Variants in INPPL1 observed in about 807,000 individuals in gnomAD.
INPPL1 encodes inositol polyphosphate phosphatase like 1.
A neutral mutation model predicts 139.3 loss-of-function variants in INPPL1; 91 were observed. That is an observed-to-expected ratio of 0.65 (90% CI 0.55 to 0.78). INPPL1 has a LOEUF of 0.78. Ranked by LOEUF, INPPL1 falls within the 30% of genes least tolerant of loss-of-function variation. The pLI is 0.00. For missense variants in INPPL1, 1,411 were observed against 1,665.6 expected (o/e 0.85, Z 2.66); for synonymous variants, 719 against 686.6 (o/e 1.05, Z -0.74).
intron 1 of INPPL1, among the ~76,000 whole-genome samples, chr11:72,227,297 ATC>A (rs1042465897): frequency 6.6e-6 from 1 of 152,174 alleles, no homozygotes; most frequent in Non-Finnish European, 1.5e-5. Flanking sequence ...GGATAATAAT[ATC>A]TGTTTAGAAG....
rs1347288988 is a variant in INPPL1, at chr11:72,228,702, G to A, written c.398-25G>A. The A allele has an allele frequency of 2.5e-6, 4 of 1,604,022 alleles. No individual in the cohort carries two copies. Among genetic ancestry groups the A allele is most frequent in the Non-Finnish European group, 2.6e-6 (3 of 1,174,954 alleles). On this transcript the variant is annotated intron_variant, in intron 3 of 27. Coordinates refer to ENST00000298229, the MANE Select transcript of INPPL1 (RefSeq NM_001567.4). This position sits in a 1 kb window ranked among gnomAD's most constrained non-coding sequence, Gnocchi z 5.0. ...CCACTGAGTGTGGGAGGCCCAAACG[G>A]CTGCCCACTGACCCCTGCCCACAGA...
Position 72,230,995 on chromosome 11 carries a change from A to G in INPPL1, c.1303A>G (p.Ser435Gly). 1 of 1,613,206 alleles carries G rather than the reference A, an allele frequency of 6.2e-7. No individual in the cohort carries two copies. The highest frequency in any genetic ancestry group is 8.5e-7 in the Non-Finnish European group (1 of 1,179,434). The part of the protein sequence containing the change: ...SVFIGTWNMG[S>G]VPPPKNVTSW... ...CACCTCACCCCCTTCACCTCCAGGA[A>G]GTGTACCACCTCCAAAAAACGTGAC... The change falls in exon 12 of 28, where the codon AGT becomes GGT. Residue 435 changes from serine (S) to glycine (G), a missense_variant and splice_region_variant. This residue lies in a region of INPPL1 where 504 missense variants were observed against 595.6 expected (regional missense o/e 0.85). Coordinates refer to ENST00000298229, the MANE Select transcript of INPPL1 (RefSeq NM_001567.4).
chr11:72,233,236 A>G (rs759453663), intron 17 of INPPL1, 73 bp downstream of exon 17: 12 of 1,362,712 alleles, frequency 8.8e-6, no homozygotes, highest in Non-Finnish European at 1.1e-5. Flanking sequence ...GGTCAAGGGT[A>G]TGGGCCTCTG....
At chr11:72,226,975 A>G (rs1948692728) in intron 1 of INPPL1, among the ~76,000 whole-genome samples, 1 of 152,148 alleles carries the variant, frequency 6.6e-6, no homozygotes, top group African/African-American at 2.4e-5. Flanking sequence ...CAGGTTTGCC[A>G]GCTGACTCTG....
At chr11:72,230,043 G>A in intron 8 of INPPL1, 24 bp downstream of exon 8, 2 of 1,614,080 alleles carry the variant, frequency 1.2e-6, no homozygotes, top group Non-Finnish European at 1.7e-6. Context: ...GGGCCTCACA[G>A]GGCCAAGGGT....
rs1949070263 is a variant in INPPL1, at chr11:72,238,615, T to A, written c.*262T>A. The stretch of plus-strand genomic sequence containing the variant: ...CCGAGGACCCTGGTTACTCTGGTGC[T>A]GTCCTGTTTTACTGGACCCCGCCTC... On this transcript the variant is annotated 3_prime_UTR_variant, in exon 28 of 28. Transcript: ENST00000298229. 1 of 329,800 alleles carries A rather than the reference T, an allele frequency of 3.0e-6. No homozygotes were observed. Among genetic ancestry groups the A allele is most frequent in the Non-Finnish European group, 5.5e-6 (1 of 181,414 alleles). The allele number at this position is 329,800 out of a possible 1,614,324, so 20.4% of individuals were successfully genotyped here.
At chr11:72,238,230 C>G in intron 27 of INPPL1, 33 bp from the exon 28 acceptor site, 1 of 1,613,632 alleles carries the variant, frequency 6.2e-7, no homozygotes, top group Non-Finnish European at 8.5e-7. Flanking sequence ...ATCCCCTTGC[C>G]CATCTCACTT....
rs374185639 is a variant in INPPL1 at position 72,230,908 on chromosome 11, G to C, written c.1300+10G>C. On this transcript the variant is annotated intron_variant, in intron 11 of 27. Transcript: ENST00000298229. ...GGCACCTGGAACATGGGTCAGGCCC[G>C]GGCTGGGGCTGGGGCGGGAGAGAGG... 1.2e-6 allele frequency: 2 copies of C among 1,613,530 alleles called. No homozygotes were observed. Among genetic ancestry groups the C allele is most frequent in the Non-Finnish European group, 1.7e-6 (2 of 1,179,708 alleles).
chr11:72,232,506 A>C, intron 14 of INPPL1, 120 bp from the exon 15 acceptor site: 1 of 1,353,874 alleles, frequency 7.4e-7, no homozygotes. Context: ...CCTTGTCCCC[A>C]GGGGCCCGGA....
chr11:72,227,987 T>A, intron 1 of INPPL1: 3 of 469,516 alleles, frequency 6.4e-6, no homozygotes, highest in Non-Finnish European at 1.1e-5. Context: ...GGGGGTGTTC[T>A]GGTCATTCCT....
rs749635263 is a variant in INPPL1, at chr11:72,233,682, A to G, written c.2150A>G (p.Asp717Gly). Residue 717 changes from aspartate (D) to glycine (G), a missense_variant, in exon 19 of 28, where the codon GAC becomes GGC. This residue lies in a region of INPPL1 where 363 missense variants were observed against 446.2 expected (regional missense o/e 0.81). Coordinates refer to ENST00000298229, the MANE Select transcript of INPPL1 (RefSeq NM_001567.4). Reference protein sequence around the residue: ...YGCTDDIVTSDHSPVFGTFEV... With the variant: ...YGCTDDIVTSGHSPVFGTFEV... ...TGCACTGATGACATCGTCACCAGCGACCATTCCCCCGTGTTTGGGACATTT... is the reference window on the plus strand; with the variant it reads ...TGCACTGATGACATCGTCACCAGCGGCCATTCCCCCGTGTTTGGGACATTT... The G allele has an allele frequency of 6.2e-7, 1 of 1,613,942 alleles. No individual in the cohort carries two copies. The highest frequency in any genetic ancestry group is 8.5e-7 in the Non-Finnish European group (1 of 1,180,016).
At position 72,237,270 on chromosome 11, in the gene INPPL1, T is replaced by C; in HGVS notation, c.3026T>C (p.Val1009Ala). ...PEPPSPARAP[V>A]PSATKNKVAI... ...CCACCCTCGCCTGCCAGGGCCCCTG[T>C]CCCATCTGCCACCAAGAACAAAGTG... The change falls in exon 26 of 28, where the codon GTC becomes GCC. Residue 1009 changes from valine to alanine, a missense_variant. Coordinates refer to ENST00000298229, the MANE Select transcript of INPPL1 (RefSeq NM_001567.4). 1.2e-6 allele frequency: 2 copies of C among 1,613,902 alleles called. No individual in the cohort carries two copies. Among genetic ancestry groups the C allele is most frequent in the Non-Finnish European group, 1.7e-6 (2 of 1,179,982 alleles).
At chr11:72,232,487 T>C in intron 14 of INPPL1, 139 bp from the exon 15 acceptor site, 1 of 1,264,970 alleles carries the variant, frequency 7.9e-7, no homozygotes, top group Non-Finnish European at 1.1e-6. Context: ...CTTCTGTTCC[T>C]GACCCTAACC....
Position 72,225,037 on chromosome 11 carries a change from C to T in INPPL1, c.53C>T (p.Ala18Val). The change falls in exon 1 of 28, where the codon GCC becomes GTC. Residue 18 changes from alanine (A) to valine (V), a missense_variant. By Grantham distance (64) the Ala-to-Val change is moderately conservative (BLOSUM62 0). Around this residue, in one of 5 missense-constraint regions of INPPL1, gnomAD observed 504 missense variants for 595.6 expected, o/e 0.85. Transcript: ENST00000298229. ...PGPGGALGSQ[A>V]PSWYHRDLSR... ...CCGGGGGGCGCCCTGGGCAGCCAGG[C>T]CCCCTCCTGGTACCACCGCGACCTG... 1 of 1,227,674 alleles carries T rather than the reference C, an allele frequency of 8.1e-7. No individual in the cohort carries two copies. The highest frequency in any genetic ancestry group is 3.2e-5 in the East Asian group (1 of 31,336). 76.0% of individuals were successfully genotyped at this position (1,227,674 alleles called of 1,614,324 possible).
chr11:72,235,283 A>G lies in INPPL1; in HGVS notation c.2504-13A>G, dbSNP rs1387869790. 1.9e-6 allele frequency: 3 copies of G among 1,613,994 alleles called. No individual in the cohort carries two copies. Among genetic ancestry groups the G allele is most frequent in the Non-Finnish European group, 2.5e-6 (3 of 1,179,948 alleles). On this transcript the variant is annotated splice_polypyrimidine_tract_variant and intron_variant, in intron 22 of 27. Coordinates refer to ENST00000298229, the MANE Select transcript of INPPL1 (RefSeq NM_001567.4). This position sits in a 1 kb window ranked among gnomAD's most constrained non-coding sequence, Gnocchi z 4.9. ...GCTTGGTAATTTGCTGGTTTGTCCC[A>G]TCTGCTCCTCAGGGGAGTGTGTGGT... is the stretch of plus-strand genomic sequence containing the variant.
At position 72,234,414 on chromosome 11, in the gene INPPL1, C is replaced by A. The variant is rs1565394054; in HGVS notation, c.2326+20C>A. Reference sequence around the variant, plus strand: ...TGGAGGGTCAGAGGCGTGGCAGGGGCTGGGTGTGGGCCAAGGAGGATGGGA... The same window carrying A: ...TGGAGGGTCAGAGGCGTGGCAGGGGATGGGTGTGGGCCAAGGAGGATGGGA... On this transcript the variant is annotated intron_variant, in intron 20 of 27. Coordinates refer to ENST00000298229, the MANE Select transcript of INPPL1 (RefSeq NM_001567.4). The surrounding 1 kb of genome is among the most constrained non-coding windows in gnomAD (Gnocchi z 4.2). 3 of 1,607,182 alleles carry A rather than the reference C, an allele frequency of 1.9e-6. No individual in the cohort carries two copies. Among genetic ancestry groups the A allele is most frequent in the African/African-American group, 1.3e-5 (1 of 74,878 alleles).
chr11:72,225,749 G>A (rs1479053868), intron 1 of INPPL1, among the ~76,000 whole-genome samples: 1 of 152,198 alleles, frequency 6.6e-6, no homozygotes, highest in Non-Finnish European at 1.5e-5. Context: ...ACCAATGAGT[G>A]AGTGTTTGAG....
chr11:72,229,612 G>T, intron 6 of INPPL1, 51 bp from the exon 7 acceptor site: 1 of 1,611,650 alleles, frequency 6.2e-7, no homozygotes, highest in Non-Finnish European at 8.5e-7. Context: ...AGCTGGGTGG[G>T]AGGCTCTGCT....
rs1948918086 is a variant in INPPL1, at chr11:72,234,264, C to T, written c.2213-17C>T. 2 of 1,572,800 alleles carry T rather than the reference C, an allele frequency of 1.3e-6. No homozygotes were observed. The highest frequency in any genetic ancestry group is 2.2e-5 in the South Asian group (2 of 90,172). On this transcript the variant is annotated splice_polypyrimidine_tract_variant and intron_variant, in intron 19 of 27. Transcript: ENST00000298229. The surrounding 1 kb of genome is among the most constrained non-coding windows in gnomAD (Gnocchi z 4.2). ...TCCTCTCAGTCCTCCTGTTTGTTCT[C>T]CTCCCTTTCTCCTCAGGGCTCTCAA...
Sources: gnomAD v4.1 joint callset for allele counts (sites outside exome capture counted in the v4.1 genomes callset) on GRCh38, gnomAD v4.1.1 for gene constraint, gnomAD v4.1.1 regional missense constraint, Gnocchi (gnomAD v3.1) non-coding constraint, MANE v1.5 for transcripts, NCBI Gene and HGNC (gene_info 2026-07-23, HGNC 2026-07-21) for gene names.